SENP6: variants seen among roughly 807,000 people sequenced by gnomAD.
SENP6 encodes the protein sentrin-specific protease 6.
In SENP6, 41 loss-of-function variants were observed where a neutral mutation model predicts 134.5. The observed-to-expected ratio is 0.30, with a 90% CI of 0.24 to 0.40. SENP6 has a LOEUF of 0.40. SENP6 is among the 10% of genes least tolerant of loss of function. SENP6 has a pLI of 1.00. For missense variants in SENP6, 1,248 were observed against 1,312.5 expected (o/e 0.95, Z 0.76); for synonymous variants, 395 against 429.8 (o/e 0.92, Z 1.00).
At chr6:75,689,655 A>C (rs543591124) in intron 16 of SENP6, among the ~76,000 whole-genome samples, 6 of 152,304 alleles carry the variant, frequency 3.9e-5, no homozygotes, top group African/African-American at 1.4e-4. Flanking sequence ...ACGTATTTTT[A>C]CTGTACCTTT....
intron 3 of SENP6, among the ~76,000 whole-genome samples, chr6:75,630,684 A>G (rs1417788965): frequency 6.6e-6 from 1 of 152,084 alleles, no homozygotes; most frequent in African/African-American, 2.4e-5. Flanking sequence ...CTTCTCTTTC[A>G]CAGAATCTTC....
intron 17 of SENP6, among the ~76,000 whole-genome samples, chr6:75,696,486 T>C (rs957286225): frequency 1.3e-5 from 2 of 152,126 alleles, no homozygotes; most frequent in Non-Finnish European, 2.9e-5. Context: ...TGATTTGTTT[T>C]CTTTTTTTCA....
chr6:75,670,423 C>A, intron 10 of SENP6, 130 bp from the exon 11 acceptor site: 1 of 561,834 alleles, frequency 1.8e-6, no homozygotes, highest in Non-Finnish European at 3.0e-6. Flanking sequence ...TTATCTAACA[C>A]TGTTGAAGGG....
rs77251348 is a variant in SENP6 at position 75,672,830 on chromosome 6, A to G, written c.1392+2110A>G. ...TTGGCATTATTATTTTTATGTATTT[A>G]TTTATTTTTTGTTTTGAGACAGAGT... On this transcript the variant is annotated intron_variant, in intron 11 of 23. Coordinates refer to ENST00000447266, the MANE Select transcript of SENP6 (RefSeq NM_015571.4). 6.6e-5 allele frequency among the ~76,000 whole-genome samples: 10 copies of G among 151,916 alleles called. No individual in the cohort carries two copies. In the East Asian group the frequency reaches 1.9e-3, roughly 29 times the overall value.
Position 75,669,964 on chromosome 6 carries a change from G to A in SENP6, c.1225-589G>A, listed in dbSNP as rs534183865. 2.6e-5 allele frequency among the ~76,000 whole-genome samples: 4 copies of A among 151,514 alleles called. No individual in the cohort carries two copies. The East Asian group carries it at 7.8e-4, about 29-fold the overall frequency. On this transcript the variant is annotated intron_variant, in intron 10 of 23. Coordinates refer to ENST00000447266, the MANE Select transcript of SENP6 (RefSeq NM_015571.4). ...TTTTTTTTTTTTAAGAAGGAATTTC[G>A]ATCTTGTTGCCCAGGCTGGAGTGCG...
intron 11 of SENP6, among the ~76,000 whole-genome samples, chr6:75,673,815 A>G (rs1772872224): frequency 6.6e-6 from 1 of 151,560 alleles, no homozygotes; most frequent in Non-Finnish European, 1.5e-5. Context: ...GAAGTCAGGA[A>G]TTTCAGACCA....
intron 7 of SENP6, among the ~76,000 whole-genome samples, chr6:75,648,768 C>T (rs1354091097): frequency 6.6e-6 from 1 of 152,150 alleles, no homozygotes; most frequent in Non-Finnish European, 1.5e-5. Flanking sequence ...CTGCTATATG[C>T]TTAGTCCAGT....
At chr6:75,699,200 G>T (rs1582887820) in intron 18 of SENP6, among the ~76,000 whole-genome samples, 1 of 150,806 alleles carries the variant, frequency 6.6e-6, no homozygotes, top group Non-Finnish European at 1.5e-5. Context: ...GAATAGAGGC[G>T]CATCCCTCTT....
intron 16 of SENP6, among the ~76,000 whole-genome samples, chr6:75,692,209 GAT>G (rs1774326012): frequency 6.6e-6 from 1 of 152,026 alleles, no homozygotes; most frequent in South Asian, 2.1e-4. Context: ...TAAAATGAGA[GAT>G]ATGATTATTA....
Position 75,645,335 on chromosome 6 carries a change from G to A in SENP6, c.480-2396G>A, listed in dbSNP as rs1010586765. On this transcript the variant is annotated intron_variant, in intron 6 of 23. Coordinates refer to ENST00000447266, the MANE Select transcript of SENP6 (RefSeq NM_015571.4). ...AATTAAGAAATTAATGTAAATGCTG[G>A]CCAGGTGTGGTGGTTTATGCCTGTA... Among the ~76,000 whole-genome samples, 10 of 152,234 alleles carry A rather than the reference G, an allele frequency of 6.6e-5. 1 individual carries two copies. The highest frequency in any genetic ancestry group is 2.4e-4 in the African/African-American group (10 of 41,464).
At chr6:75,708,199 T>G (rs1412090471) in intron 19 of SENP6, among the ~76,000 whole-genome samples, 1 of 152,064 alleles carries the variant, frequency 6.6e-6, no homozygotes, top group Non-Finnish European at 1.5e-5. Flanking sequence ...GTAGCTGGGA[T>G]TACAGGTGCA....
intron 19 of SENP6, among the ~76,000 whole-genome samples, chr6:75,704,418 T>C (rs895572357): frequency 5.3e-5 from 8 of 152,252 alleles, no homozygotes; most frequent in African/African-American, 1.9e-4. Context: ...GCCAGATTTA[T>C]GTTTCTCTCC....
intron 11 of SENP6, among the ~76,000 whole-genome samples, chr6:75,674,146 CTTTTTTTTTTTTTTT>C (rs770350544): frequency 6.2e-5 from 8 of 128,492 alleles, no homozygotes; most frequent in African/African-American, 2.3e-4. Flanking sequence ...CAAGCTACTC[CTTTTTTTTTTTTTTT>C]TTTTTTTTTA....
chr6:75,709,625 A>C lies in SENP6; in HGVS notation c.2815A>C (p.Asn939His), dbSNP rs190032057. ...CGTCGACTTCTCAGAAGATCAGGAT[A>C]ACCAGGTAAAACTTAATGCTTGGCA... ...ELVDFSEDQDNQDDSSDDGFL... is the reference protein window; with the variant it reads ...ELVDFSEDQDHQDDSSDDGFL... Residue 939 changes from asparagine to histidine, a missense_variant, in exon 20 of 24, where the codon AAC becomes CAC. By Grantham distance (68) the Asn-to-His change is moderately conservative. This residue lies in a region of SENP6 where 386 missense variants were observed against 395.0 expected (regional missense o/e 0.98). Coordinates refer to ENST00000447266, the MANE Select transcript of SENP6 (RefSeq NM_015571.4). The C allele has an allele frequency of 1.9e-6, 3 of 1,611,632 alleles. No individual in the cohort carries two copies. In the Admixed American group the frequency reaches 5.0e-5, roughly 27 times the overall value.
chr6:75,676,114 T>G (rs1452648297), intron 13 of SENP6, 60 bp downstream of exon 13: 1 of 1,178,946 alleles, frequency 8.5e-7, no homozygotes, highest in East Asian at 2.7e-5. Context: ...ACAATATCTG[T>G]TAAATAGCAA....
intron 3 of SENP6, 67 bp downstream of exon 3, chr6:75,624,027 T>G (rs1768479504): frequency 7.9e-7 from 1 of 1,273,662 alleles, no homozygotes; most frequent in African/African-American, 1.5e-5. Context: ...CTCAAAAGAT[T>G]TAATATTTTT....
intron 5 of SENP6, among the ~76,000 whole-genome samples, 174 bp from the exon 6 acceptor site, chr6:75,640,510 C>T (rs1015300325): frequency 1.3e-5 from 2 of 151,482 alleles, no homozygotes; most frequent in Admixed American, 1.3e-4. Context: ...TGACAGAAAT[C>T]GAAAAACAAT....
At chr6:75,604,639 A>G (rs1371254812) in intron 1 of SENP6, among the ~76,000 whole-genome samples, 2 of 151,326 alleles carry the variant, frequency 1.3e-5, no homozygotes, top group South Asian at 2.1e-4. Context: ...AAAAAAAAGC[A>G]TAAGGAAAAG....
intron 23 of SENP6, 84 bp downstream of exon 23, chr6:75,713,909 A>G (rs376443438): frequency 5.7e-6 from 6 of 1,051,434 alleles, no homozygotes; most frequent in Middle Eastern, 3.1e-4. Flanking sequence ...ACAATAAGCA[A>G]ATATTTTAAA....
Sources: gnomAD v4.1 joint callset for allele counts (sites outside exome capture counted in the v4.1 genomes callset) on GRCh38, gnomAD v4.1.1 for gene constraint, gnomAD v4.1.1 regional missense constraint, MANE v1.5 for transcripts, NCBI Gene and HGNC (gene_info 2026-07-23, HGNC 2026-07-21) for gene names.